Variants in ADAMTS17 observed in about 807,000 individuals in gnomAD.
The protein encoded by ADAMTS17 is A disintegrin and metalloproteinase with thrombospondin motifs 17.
Under a neutral mutation model 141.5 loss-of-function variants are expected in ADAMTS17, and 113 were observed. The observed-to-expected ratio is 0.80, with a 90% CI of 0.69 to 0.93. The LOEUF is 0.93. Ranked by LOEUF, ADAMTS17 falls within the 40% of genes least tolerant of loss-of-function variation. ADAMTS17 has a pLI of 0.00. For synonymous variants in ADAMTS17, 768 were observed against 630.6 expected (o/e 1.22, Z -3.27); for missense variants, 1,659 against 1,517.9 (o/e 1.09, Z -1.54).
intron 20 of ADAMTS17, among the ~76,000 whole-genome samples, chr15:99,989,994 C>A (rs1412142949): frequency 6.6e-6 from 1 of 152,176 alleles, no homozygotes; most frequent in Non-Finnish European, 1.5e-5. Flanking sequence ...AGAGTCAGAG[C>A]TGTAAATCAG....
At chr15:100,249,552 G>A (rs2043089321) in intron 7 of ADAMTS17, among the ~76,000 whole-genome samples, 1 of 152,184 alleles carries the variant, frequency 6.6e-6, no homozygotes, top group African/African-American at 2.4e-5. Flanking sequence ...GGTGGCACAT[G>A]GACCAGACAG....
At chr15:100,079,711 T>G (rs1381027645) in intron 15 of ADAMTS17, among the ~76,000 whole-genome samples, 3 of 152,074 alleles carry the variant, frequency 2.0e-5, no homozygotes, top group Non-Finnish European at 4.4e-5. Context: ...AATAGACACT[T>G]ACTCCGGATA....
chr15:100,140,484 C>CATATATATAT lies in ADAMTS17; in HGVS notation c.1474-7170_1474-7169insATATATATAT, dbSNP rs1164353969. ...ACACACACACAGACACACACACATA[C>CATATATATAT]ATACATATATATATATATATATATC... On this transcript the variant is annotated intron_variant, in intron 10 of 21. Coordinates refer to ENST00000268070, the MANE Select transcript of ADAMTS17 (RefSeq NM_139057.4). Among the ~76,000 whole-genome samples the CATATATATAT allele has an allele frequency of 2.0e-3, 82 of 40,878 alleles. 2 individuals carry two copies. The highest frequency in any genetic ancestry group is 3.7e-3 in the African/African-American group (71 of 19,446). 26.8% of individuals were successfully genotyped at this position (40,878 alleles called of 152,430 possible). A position where few individuals can be genotyped will look rare whatever the true frequency, so the allele number is the denominator to read the frequency against.
At chr15:100,202,301 C>G (rs182832411) in intron 7 of ADAMTS17, among the ~76,000 whole-genome samples, 16 of 152,316 alleles carry the variant, frequency 1.1e-4, no homozygotes, top group Admixed American at 9.2e-4. Flanking sequence ...TTCCAAGGTG[C>G]AGATGATTTT....
intron 3 of ADAMTS17, among the ~76,000 whole-genome samples, chr15:100,320,640 C>T (rs2045704867): frequency 6.6e-6 from 1 of 152,196 alleles, no homozygotes; most frequent in Admixed American, 6.5e-5. Flanking sequence ...GGCGACCAGC[C>T]TGGGCTACAT....
Position 100,339,106 on chromosome 15 carries a change from G to A in ADAMTS17, c.450+1933C>T, listed in dbSNP as rs995816810. On this transcript the variant is annotated intron_variant, in intron 2 of 21. Coordinates refer to ENST00000268070, the MANE Select transcript of ADAMTS17 (RefSeq NM_139057.4). ...GAATTTAAAAGCTGAAGTCTTAGAG[G>A]TACAACCGCCACTGGCACACACTGA... The A allele has an allele frequency of 5.1e-6, 5 of 985,300 alleles. No homozygotes were observed. The African/African-American group carries it at 8.7e-5, about 17-fold the overall frequency. 61.0% of individuals were successfully genotyped at this position (985,300 alleles called of 1,614,324 possible). A position where few individuals can be genotyped will look rare whatever the true frequency, so the allele number is the denominator to read the frequency against.
intron 12 of ADAMTS17, among the ~76,000 whole-genome samples, chr15:100,131,019 T>C (rs1227500626): frequency 3.3e-5 from 5 of 152,112 alleles, no homozygotes; most frequent in African/African-American, 9.7e-5. Context: ...ATATACACCA[T>C]GGAATACTAC....
At chr15:100,067,995 T>C (rs2033671122) in intron 15 of ADAMTS17, among the ~76,000 whole-genome samples, 2 of 152,280 alleles carry the variant, frequency 1.3e-5, no homozygotes, top group Admixed American at 6.5e-5. Context: ...GGGAATTCCC[T>C]TTCCTAGTCA....
intron 13 of ADAMTS17, among the ~76,000 whole-genome samples, chr15:100,115,552 C>T (rs761265943): frequency 7.2e-5 from 11 of 152,180 alleles, no homozygotes; most frequent in Admixed American, 2.0e-4. Flanking sequence ...TGTTGCTCTA[C>T]GAGTCAGCTC....
chr15:100,195,422 G>A (rs1396398668), intron 8 of ADAMTS17, among the ~76,000 whole-genome samples: 1 of 152,168 alleles, frequency 6.6e-6, no homozygotes, highest in African/African-American at 2.4e-5. Context: ...TCTGTGAGAA[G>A]GCCCCGGGCA....
chr15:100,296,004 G>C (rs951486227), intron 3 of ADAMTS17, among the ~76,000 whole-genome samples: 2 of 152,108 alleles, frequency 1.3e-5, no homozygotes, highest in Non-Finnish European at 2.9e-5. Flanking sequence ...CAGTCAATAG[G>C]GTGTCCTGTG....
At chr15:99,994,424 C>T (rs1400292688) in intron 19 of ADAMTS17, among the ~76,000 whole-genome samples, 2 of 150,496 alleles carry the variant, frequency 1.3e-5, no homozygotes, top group Non-Finnish European at 3.0e-5. Flanking sequence ...TCAAGACCAG[C>T]CTGGGAAACA....
chr15:99,997,862 T>C lies in ADAMTS17; in HGVS notation c.2592-273A>G, dbSNP rs998369283. Among the ~76,000 whole-genome samples, 1 of 152,188 alleles carries C rather than the reference T, an allele frequency of 6.6e-6. No individual in the cohort carries two copies. Among genetic ancestry groups the C allele is most frequent in the Non-Finnish European group, 1.5e-5 (1 of 68,020 alleles). On this transcript the variant is annotated intron_variant, in intron 18 of 21. Coordinates refer to ENST00000268070, the MANE Select transcript of ADAMTS17 (RefSeq NM_139057.4). This position sits in a 1 kb window ranked among gnomAD's most constrained non-coding sequence, Gnocchi z 4.7. ...CAGAATTATCTGGTCACGGCCTCCCTGTAGGGAATTACGTATCTGCTTGTC... is the reference window on the plus strand; with the variant it reads ...CAGAATTATCTGGTCACGGCCTCCCCGTAGGGAATTACGTATCTGCTTGTC...
At chr15:99,975,401 G>C (rs887318834) in intron 21 of ADAMTS17, among the ~76,000 whole-genome samples, 5 of 152,040 alleles carry the variant, frequency 3.3e-5, no homozygotes, top group Admixed American at 6.6e-5. Flanking sequence ...GTAGAGAAGG[G>C]GTTTCACCAT....
chr15:100,101,399 C>G (rs761764380), intron 14 of ADAMTS17, among the ~76,000 whole-genome samples: 1 of 152,346 alleles, frequency 6.6e-6, no homozygotes, highest in African/African-American at 2.4e-5. Context: ...GCACACAATA[C>G]AGTGTGCAGC....
intron 7 of ADAMTS17, among the ~76,000 whole-genome samples, chr15:100,199,980 G>GC (rs1161731919): frequency 3.3e-5 from 5 of 152,248 alleles, no homozygotes; most frequent in African/African-American, 1.2e-4. Flanking sequence ...TGGACAGCAC[G>GC]CCCCGGAAGG....
chr15:100,314,058 C>G (rs7171572), intron 3 of ADAMTS17, among the ~76,000 whole-genome samples: 2 of 137,142 alleles, frequency 1.5e-5, no homozygotes, highest in Non-Finnish European at 3.2e-5. Flanking sequence ...TCAGACAAAA[C>G]CACCCCAAAT....
At chr15:100,173,135 C>T (rs768950997) in intron 8 of ADAMTS17, among the ~76,000 whole-genome samples, 2 of 152,174 alleles carry the variant, frequency 1.3e-5, no homozygotes, top group Non-Finnish European at 2.9e-5. Context: ...TGGTGAGGAA[C>T]TCTTGCACTA....
chr15:100,203,229 C>T (rs537314162), intron 7 of ADAMTS17, among the ~76,000 whole-genome samples: 1 of 152,268 alleles, frequency 6.6e-6, no homozygotes, highest in East Asian at 1.9e-4. Context: ...CTACTATACC[C>T]CTGACAACAA....
Sources: gnomAD v4.1 joint callset for allele counts (sites outside exome capture counted in the v4.1 genomes callset) on GRCh38, gnomAD v4.1.1 for gene constraint, Gnocchi (gnomAD v3.1) non-coding constraint, MANE v1.5 for transcripts, NCBI Gene and HGNC (gene_info 2026-07-23, HGNC 2026-07-21) for gene names.